The following SYTL2 variants were observed in gnomAD, a reference collection of about 807,000 sequenced individuals.
The protein encoded by SYTL2 is synaptotagmin-like protein 2.
In SYTL2, 165 loss-of-function variants were observed where a neutral mutation model predicts 198.7. The observed-to-expected ratio is 0.83, with a 90% CI of 0.73 to 0.94. SYTL2 has a LOEUF of 0.94. Among genes scored for constraint, SYTL2 ranks in the 40% least tolerant of loss-of-function variants. The pLI is 0.00. For missense variants in SYTL2, 2,835 were observed against 2,582.8 expected (o/e 1.10, Z -2.12); for synonymous variants, 966 against 917.7 (o/e 1.05, Z -0.95).
intron 4 of SYTL2, among the ~76,000 whole-genome samples, chr11:85,744,063 T>C (rs2090987617): frequency 6.6e-6 from 1 of 152,172 alleles, no homozygotes; most frequent in South Asian, 2.1e-4. Context: ...AAGGAAGGCC[T>C]TCATTCCATT....
intron 1 of SYTL2, among the ~76,000 whole-genome samples, chr11:85,802,005 G>A (rs112128501): frequency 0.022 from 3,365 of 151,406 alleles, 56 homozygotes; most frequent in Middle Eastern, 0.069. Flanking sequence ...TAGTAGAGAT[G>A]GGGTTTTACT....
At chr11:85,721,541 C>A (rs953859328) in intron 8 of SYTL2, among the ~76,000 whole-genome samples, 7 of 151,918 alleles carry the variant, frequency 4.6e-5, no homozygotes, top group African/African-American at 1.7e-4. Flanking sequence ...GGGAGGGAGG[C>A]CTCTATCATT....
At chr11:85,820,905 C>T in the SYTL2 span, among the ~76,000 whole-genome samples, 1 of 152,202 alleles carries the variant, frequency 6.6e-6, no homozygotes, top group East Asian at 1.9e-4. Context: ...GAGTTCAGTG[C>T]ATAATCCCTG....
chr11:85,820,355 T>C, the SYTL2 span, among the ~76,000 whole-genome samples: 1 of 152,242 alleles, frequency 6.6e-6, no homozygotes, highest in African/African-American at 2.4e-5. Context: ...AAGGAGCACA[T>C]GGGTTTTACC....
chr11:85,823,081 C>T, the SYTL2 span, among the ~76,000 whole-genome samples: 1 of 152,262 alleles, frequency 6.6e-6, no homozygotes, highest in Non-Finnish European at 1.5e-5. Flanking sequence ...CCTCCTCCCT[C>T]TTGCCACCCT....
chr11:85,755,105 GACAA>G (rs2091784644), intron 2 of SYTL2, among the ~76,000 whole-genome samples: 1 of 152,192 alleles, frequency 6.6e-6, no homozygotes, highest in African/African-American at 2.4e-5. Context: ...AAAAGGCGCT[GACAA>G]ACAAAAGCCC....
the SYTL2 span, among the ~76,000 whole-genome samples, chr11:85,818,449 A>G: frequency 6.6e-6 from 1 of 151,874 alleles, no homozygotes; most frequent in Admixed American, 6.6e-5. Flanking sequence ...CTTGCTTTTT[A>G]TATTGAATAT....
Position 85,734,221 on chromosome 11 carries a change from C to T in SYTL2, c.1108G>A (p.Glu370Lys). ...AACTCTTCTGTGTCCCCTGCATCTT[C>T]CATTCCATTTTTCAATCTGTCAGAT... is the stretch of plus-strand genomic sequence containing the variant. ...LESDRLKNGM[E>K]DAGDTEEFQS... Residue 370 changes from glutamate to lysine, a missense_variant, in exon 7 of 20, where the codon GAA (glutamate) becomes AAA (lysine). Glu to Lys is a moderately conservative substitution (Grantham distance 56). Transcript: ENST00000359152. 6.2e-7 allele frequency: 1 copy of T among 1,614,198 alleles called. No homozygotes were observed. Among genetic ancestry groups the T allele is most frequent in the Non-Finnish European group, 8.5e-7 (1 of 1,180,020 alleles).
the SYTL2 span, among the ~76,000 whole-genome samples, chr11:85,822,389 A>G: frequency 6.6e-6 from 1 of 152,194 alleles, no homozygotes; most frequent in Non-Finnish European, 1.5e-5. Context: ...TATTTGCTCT[A>G]CACTTTACTT....
intron 1 of SYTL2, among the ~76,000 whole-genome samples, chr11:85,809,084 T>C (rs2153663705): frequency 6.6e-6 from 1 of 152,310 alleles, no homozygotes; most frequent in South Asian, 2.1e-4. Context: ...GGGCTTCCCC[T>C]AGGCTGCCTC....
At chr11:85,845,391 T>A in the SYTL2 span, among the ~76,000 whole-genome samples, 2 of 152,202 alleles carry the variant, frequency 1.3e-5, no homozygotes, top group Non-Finnish European at 2.9e-5. Flanking sequence ...ATTATTATTG[T>A]CTTGAATTGC....
intron 1 of SYTL2, among the ~76,000 whole-genome samples, chr11:85,775,993 G>T (rs1167191787): frequency 6.6e-6 from 1 of 152,114 alleles, no homozygotes; most frequent in Non-Finnish European, 1.5e-5. Flanking sequence ...CAGGTGTTTT[G>T]GTGATGGGGG....
At chr11:85,713,344 A>G (rs763000277) in intron 12 of SYTL2, among the ~76,000 whole-genome samples, 3 of 152,222 alleles carry the variant, frequency 2.0e-5, no homozygotes, top group Non-Finnish European at 2.9e-5. Context: ...GCTAACATTT[A>G]CCAGGTACTC....
chr11:85,715,727 T>A (rs2087106374), intron 11 of SYTL2, among the ~76,000 whole-genome samples: 1 of 152,174 alleles, frequency 6.6e-6, no homozygotes, highest in South Asian at 2.1e-4. Flanking sequence ...CCTACTTTAA[T>A]CACTTCCCAT....
At chr11:85,789,618 T>C (rs1476192691) in intron 1 of SYTL2, among the ~76,000 whole-genome samples, 1 of 151,752 alleles carries the variant, frequency 6.6e-6, no homozygotes, top group Non-Finnish European at 1.5e-5. Flanking sequence ...ATTAGGTACT[T>C]ACTATGTGCC....
the SYTL2 span, among the ~76,000 whole-genome samples, chr11:85,845,967 T>C: frequency 2.6e-5 from 4 of 152,214 alleles, no homozygotes; most frequent in Non-Finnish European, 5.9e-5. Flanking sequence ...CACCACTTTA[T>C]TACAGCTCAC....
chr11:85,789,382 A>G (rs1245138214), intron 1 of SYTL2, among the ~76,000 whole-genome samples: 7 of 81,712 alleles, frequency 8.6e-5, no homozygotes, highest in African/African-American at 3.0e-4. Context: ...ATATATGTAT[A>G]TATATATATA....
Position 85,727,097 on chromosome 11 carries a change from G to A in SYTL2, c.2261C>T (p.Ser754Leu). 1.3e-6 allele frequency: 2 copies of A among 1,535,820 alleles called. No individual in the cohort carries two copies. The highest frequency in any genetic ancestry group is 1.7e-6 in the Non-Finnish European group (2 of 1,146,800). The change falls in exon 8 of 20, where the codon TCA (serine) becomes TTA (leucine). Residue 754 changes from serine to leucine, a missense_variant. Ser to Leu is a moderately radical substitution (Grantham distance 145). This residue lies in a region of SYTL2 where 2,645 missense variants were observed against 2,381.7 expected (regional missense o/e 1.11). Transcript: ENST00000359152. ...KASLEPENIKSTPGVANNGSP... is the reference protein window; with the variant it reads ...KASLEPENIKLTPGVANNGSP... ...GCCATTGTTGGCAACCCCAGGTGTT[G>A]ACTTAATATTCTCTGGCTCTAAGGA... is the stretch of plus-strand genomic sequence containing the variant.
chr11:85,754,774 G>A (rs2091758261), intron 2 of SYTL2, among the ~76,000 whole-genome samples: 1 of 152,190 alleles, frequency 6.6e-6, no homozygotes, highest in South Asian at 2.1e-4. Context: ...TGGTAGGAAT[G>A]AGATGCAAAC....
Sources: allele counts gnomAD v4.1 joint callset (sites outside exome capture counted in the v4.1 genomes callset), GRCh38; gene constraint gnomAD v4.1.1; regional missense constraint gnomAD v4.1.1; transcripts MANE v1.5; gene names NCBI Gene and HGNC (gene_info 2026-07-23, HGNC 2026-07-21).